The following DMD variants were observed in gnomAD, a reference collection of about 807,000 sequenced individuals.
DMD encodes the protein mutant dystrophin.
DMD carries 63 observed loss-of-function variants against 330.1 expected under a neutral mutation model. That is an observed-to-expected ratio of 0.19 (90% CI 0.16 to 0.24). The LOEUF is 0.24. Among genes scored for constraint, DMD ranks in the 10% least tolerant of loss-of-function variants. The pLI is 1.00. For missense variants in DMD, 3,344 were observed against 2,684.1 expected (o/e 1.25, Z -5.43); for synonymous variants, 1,223 against 959.8 (o/e 1.27, Z -5.07).
chrX:32,255,195 G>A (rs760099358), intron 43 of DMD, among the ~76,000 whole-genome samples: 2 of 111,874 alleles, frequency 1.8e-5, no homozygotes, highest in Admixed American at 9.5e-5. Context: ...TGTACACAGT[G>A]TACATTTGTT....
chrX:33,235,371 G>C (rs772734880), intron 1 of DMD, among the ~76,000 whole-genome samples: 1 of 111,695 alleles, frequency 9.0e-6, no homozygotes, highest in Non-Finnish European at 1.9e-5. Flanking sequence ...TATATGCCAA[G>C]TATTGATCTA....
chrX:33,103,640 G>GC (rs1448590402), intron 1 of DMD, among the ~76,000 whole-genome samples: 4 of 110,775 alleles, frequency 3.6e-5, no homozygotes, highest in Non-Finnish European at 7.5e-5. Flanking sequence ...TTCGGACTCA[G>GC]CCCGCCTGCA....
chrX:32,918,122 T>TAAATCTAAA (rs1471140586), intron 2 of DMD, among the ~76,000 whole-genome samples: 14 of 111,508 alleles, frequency 1.3e-4, no homozygotes, highest in Non-Finnish European at 1.7e-4. Context: ...AAGGTGCTTA[T>TAAATCTAAA]TTAGATTTCC....
chrX:32,140,194 A>G (rs1275612438), intron 44 of DMD, among the ~76,000 whole-genome samples: 1 of 112,409 alleles, frequency 8.9e-6, no homozygotes, highest in Non-Finnish European at 1.9e-5. Flanking sequence ...GTAAAGCAAT[A>G]TGATGCCACA....
At chrX:32,125,487 T>A (rs1402064574) in intron 44 of DMD, among the ~76,000 whole-genome samples, 1 of 111,761 alleles carries the variant, frequency 8.9e-6, no homozygotes, top group Non-Finnish European at 1.9e-5. Context: ...TTGCCTCTGA[T>A]ACATTTAAGT....
intron 51 of DMD, among the ~76,000 whole-genome samples, chrX:31,749,567 A>C (rs1384007045): frequency 9.1e-6 from 1 of 109,579 alleles, no homozygotes; most frequent in Non-Finnish European, 1.9e-5. Flanking sequence ...GGTTGGTTCC[A>C]AGTCTTTGCT....
At chrX:31,646,021 G>T (rs192433720) in intron 54 of DMD, among the ~76,000 whole-genome samples, 1 of 111,998 alleles carries the variant, frequency 8.9e-6, no homozygotes, top group East Asian at 2.8e-4. Flanking sequence ...AGTATGTGAA[G>T]ATCAGGATGT....
Position 32,567,493 on chromosome X carries a change from G to C in DMD, c.1813-1612C>G, listed in dbSNP as rs970630376. Among the ~76,000 whole-genome samples the C allele has an allele frequency of 5.4e-5, 6 of 111,456 alleles. No homozygotes were observed. In the East Asian group the frequency reaches 1.1e-3, roughly 21 times the overall value. ...GCTCACTGCAGCCTCTGTCTCCCAGGTTCAAGCAATTCTCCTGTCAGCCTC... is the reference window on the plus strand; with the variant it reads ...GCTCACTGCAGCCTCTGTCTCCCAGCTTCAAGCAATTCTCCTGTCAGCCTC... On this transcript the variant is annotated intron_variant, in intron 15 of 78. Transcript: ENST00000357033.
At chrX:33,219,521 G>A (rs1386477736) in intron 1 of DMD, among the ~76,000 whole-genome samples, 1 of 108,363 alleles carries the variant, frequency 9.2e-6, no homozygotes, top group Non-Finnish European at 1.9e-5. Context: ...GAAGCCCATG[G>A]CATTCACATA....
At chrX:31,606,832 G>A (rs1453723111) in intron 55 of DMD, among the ~76,000 whole-genome samples, 1 of 111,881 alleles carries the variant, frequency 8.9e-6, no homozygotes, top group Non-Finnish European at 1.9e-5. Context: ...TTACAGATCT[G>A]TAGTTTTCTT....
At chrX:32,313,666 CAA>C in intron 41 of DMD, among the ~76,000 whole-genome samples, 1 of 111,541 alleles carries the variant, frequency 9.0e-6, no homozygotes, top group Non-Finnish European at 1.9e-5. Flanking sequence ...CGTCTCAGCC[CAA>C]AAACTCTTTA....
intron 51 of DMD, among the ~76,000 whole-genome samples, chrX:31,738,031 A>G (rs2087003529): frequency 8.9e-6 from 1 of 112,167 alleles, no homozygotes; most frequent in Admixed American, 9.5e-5. Flanking sequence ...TTTTATCACA[A>G]GGACAACTGG....
intron 44 of DMD, among the ~76,000 whole-genome samples, chrX:32,002,942 G>A (rs2095637499): frequency 9.0e-6 from 1 of 111,431 alleles, no homozygotes; most frequent in African/African-American, 3.3e-5. Flanking sequence ...AAGTGTTGGA[G>A]TTTATTGCTA....
chrX:32,323,010 T>A lies in DMD; in HGVS notation c.5923-12734A>T, dbSNP rs181255629. ...AAACTGAAGTACAGTTGGCCCTCTG[T>A]ATCCATGGGTTCCACATTTGTGGAT... On this transcript the variant is annotated intron_variant, in intron 41 of 78. Transcript: ENST00000357033. Among the ~76,000 whole-genome samples, 38 of 112,408 alleles carry A rather than the reference T, an allele frequency of 3.4e-4. No homozygotes were observed. The Admixed American group carries it at 3.6e-3, about 11-fold the overall frequency.
At chrX:32,672,008 T>A (rs756737430) in intron 9 of DMD, among the ~76,000 whole-genome samples, 1 of 111,744 alleles carries the variant, frequency 8.9e-6, no homozygotes, top group Non-Finnish European at 1.9e-5. Flanking sequence ...ATGATGATAT[T>A]GGAAATAAGC....
At chrX:32,077,718 C>T (rs887250513) in intron 44 of DMD, among the ~76,000 whole-genome samples, 2 of 111,559 alleles carry the variant, frequency 1.8e-5, no homozygotes, top group African/African-American at 6.5e-5. Context: ...CTCCTCTGGA[C>T]CTTCCATATC....
intron 16 of DMD, among the ~76,000 whole-genome samples, chrX:32,552,239 A>G (rs752130048): frequency 8.9e-6 from 1 of 112,077 alleles, no homozygotes; most frequent in Non-Finnish European, 1.9e-5. Context: ...ACAAGGATAT[A>G]GTAACCAAAA....
intron 62 of DMD, among the ~76,000 whole-genome samples, chrX:31,306,459 C>CCTGA (rs2055043247): frequency 9.0e-6 from 1 of 111,645 alleles, no homozygotes; most frequent in Non-Finnish European, 1.9e-5. Flanking sequence ...TTCATCTCCG[C>CCTGA]CTGACTTCTG....
chrX:31,693,928 G>A (rs1413526978), intron 52 of DMD, among the ~76,000 whole-genome samples: 1 of 111,167 alleles, frequency 9.0e-6, no homozygotes, highest in African/African-American at 3.3e-5. Context: ...AAATTTGCAT[G>A]GAACCACAAA....
Sources: allele counts gnomAD v4.1 joint callset (sites outside exome capture counted in the v4.1 genomes callset), GRCh38; gene constraint gnomAD v4.1.1; transcripts MANE v1.5; gene names NCBI Gene and HGNC (gene_info 2026-07-23, HGNC 2026-07-21).